CHD6: variants seen among roughly 807,000 people sequenced by gnomAD.
CHD6 encodes chromodomain helicase DNA binding protein 6, also known as ATP-dependent chromatin remodeler CHD6.
In CHD6, 50 loss-of-function variants were observed where a neutral mutation model predicts 276.9. The ratio of observed to expected loss-of-function variants is 0.18; its 90% CI spans 0.14 to 0.23. The LOEUF (loss-of-function observed/expected upper bound fraction) is 0.23. Among genes scored for constraint, CHD6 ranks in the 10% least tolerant of loss-of-function variants. CHD6 has a pLI of 1.00. For synonymous variants in CHD6, 1,173 were observed against 1,229.3 expected (o/e 0.95, Z 0.96); for missense variants, 2,564 against 3,365.8 (o/e 0.76, Z 5.89).
At position 41,524,446 on chromosome 20, in the gene CHD6, G is replaced by A. The variant is rs566340997; in HGVS notation, c.554+8604C>T. Among the ~76,000 whole-genome samples the A allele has an allele frequency of 2.6e-5, 4 of 152,002 alleles. No individual in the cohort carries two copies. In the East Asian group the frequency reaches 7.7e-4, roughly 29 times the overall value. ...GTTTGTGATATTGTCCTAGTAAAAA[G>A]GAAACAAAAAGATTACTTCCTCTTA... On this transcript the variant is annotated intron_variant, in intron 3 of 36. Transcript: ENST00000373233.
intron 3 of CHD6, among the ~76,000 whole-genome samples, chr20:41,532,768 T>C (rs2044719326): frequency 6.6e-6 from 1 of 152,206 alleles, no homozygotes; most frequent in Non-Finnish European, 1.5e-5. Flanking sequence ...GGTTGGGGTC[T>C]GAAGGGGGTG....
intron 3 of CHD6, among the ~76,000 whole-genome samples, chr20:41,528,698 C>T (rs1482009474): frequency 6.6e-6 from 1 of 152,122 alleles, no homozygotes; most frequent in East Asian, 1.9e-4. Context: ...AGAATAAATA[C>T]TAGTTTCAAT....
At chr20:41,469,479 A>G (rs2043005312) in intron 17 of CHD6, among the ~76,000 whole-genome samples, 1 of 152,222 alleles carries the variant, frequency 6.6e-6, no homozygotes, top group African/African-American at 2.4e-5. Flanking sequence ...CTTCAGGGGT[A>G]GCAGCAACAG....
intron 1 of CHD6, among the ~76,000 whole-genome samples, chr20:41,558,632 T>C (rs1011418989): frequency 3.3e-5 from 5 of 152,300 alleles, no homozygotes; most frequent in Non-Finnish European, 5.9e-5. Flanking sequence ...CTCCTCTCTC[T>C]CCAGTTCAAA....
chr20:41,579,877 ACAAT>A (rs1450462191), intron 1 of CHD6, among the ~76,000 whole-genome samples: 1 of 152,338 alleles, frequency 6.6e-6, no homozygotes, highest in African/African-American at 2.4e-5. Context: ...ATATTTTTAT[ACAAT>A]CAAAGAAATA....
chr20:41,579,202 C>T (rs1015923953), intron 1 of CHD6, among the ~76,000 whole-genome samples: 3 of 147,696 alleles, frequency 2.0e-5, no homozygotes, highest in South Asian at 2.2e-4. Context: ...TTTGGGACGC[C>T]GAGGTGGGCT....
intron 3 of CHD6, among the ~76,000 whole-genome samples, chr20:41,528,511 G>C (rs1455650386): frequency 6.6e-6 from 1 of 152,062 alleles, no homozygotes; most frequent in Non-Finnish European, 1.5e-5. Context: ...AGCCTAACTT[G>C]GCTTCCTGAA....
intron 1 of CHD6, among the ~76,000 whole-genome samples, chr20:41,609,464 C>T (rs2146302850): frequency 6.6e-6 from 1 of 152,298 alleles, no homozygotes; most frequent in South Asian, 2.1e-4. Context: ...GAGTATACAA[C>T]CACCCTTACA....
At chr20:41,498,811 A>ATGTATGTATGTG (rs1555796111) in intron 6 of CHD6, among the ~76,000 whole-genome samples, 7 of 86,552 alleles carry the variant, frequency 8.1e-5, no homozygotes, top group Non-Finnish European at 1.3e-4. Context: ...GTATGTATGT[A>ATGTATGTATGTG]TGTGTGTGTG....
chr20:41,583,989 T>C (rs1020601819), intron 1 of CHD6, among the ~76,000 whole-genome samples: 2 of 152,048 alleles, frequency 1.3e-5, no homozygotes, highest in African/African-American at 2.4e-5. Flanking sequence ...AGAAATCAAC[T>C]GGCAAGATAA....
intron 1 of CHD6, among the ~76,000 whole-genome samples, chr20:41,558,838 C>T (rs916086683): frequency 2.0e-5 from 3 of 152,084 alleles, no homozygotes; most frequent in African/African-American, 4.8e-5. Context: ...CAGAAAACAG[C>T]ACCCCCACCT....
At chr20:41,488,282 T>A in intron 13 of CHD6, 146 bp downstream of exon 13, 3 of 711,448 alleles carry the variant, frequency 4.2e-6, no homozygotes, top group Non-Finnish European at 6.9e-6. Flanking sequence ...TTAATTCCTA[T>A]ACTATTGCAG....
intron 36 of CHD6, among the ~76,000 whole-genome samples, chr20:41,408,656 C>G (rs2046753858): frequency 6.6e-6 from 1 of 152,188 alleles, no homozygotes; most frequent in Non-Finnish European, 1.5e-5. Flanking sequence ...CCTCTTCCTG[C>G]AGCCTACCCA....
Position 41,421,166 on chromosome 20 carries a change from A to T in CHD6, c.5469T>A (p.Phe1823Leu), listed in dbSNP as rs2047178250. ...AGACACTAAGACTGCACATATCTAC[A>T]AACCCACTTTCATTTCCTGGATTCA... ...PSLNPGNESG[F>L]VDMCSLSVCD... Residue 1823 changes from phenylalanine to leucine, a missense_variant, in exon 31 of 37, where the codon TTT (phenylalanine) becomes TTA (leucine). Physicochemically the swap from Phe to Leu is conservative, Grantham distance 22. Coordinates refer to ENST00000373233, the MANE Select transcript of CHD6 (RefSeq NM_032221.5). 3.7e-6 allele frequency: 6 copies of T among 1,613,424 alleles called. No individual in the cohort carries two copies. The highest frequency in any genetic ancestry group is 5.1e-6 in the Non-Finnish European group (6 of 1,179,814).
chr20:41,555,566 C>T (rs575674767), intron 1 of CHD6, among the ~76,000 whole-genome samples: 86 of 151,642 alleles, frequency 5.7e-4, no homozygotes, highest in African/African-American at 1.8e-3. Context: ...GGTCTCCTCA[C>T]TTCTCAGACG....
At chr20:41,502,267 T>C (rs1026412798) in intron 5 of CHD6, among the ~76,000 whole-genome samples, 6 of 152,220 alleles carry the variant, frequency 3.9e-5, no homozygotes, top group Middle Eastern at 6.3e-3. Context: ...CAGGTGCAAG[T>C]AATTTTAATA....
At chr20:41,464,850 G>A (rs756067472) in intron 17 of CHD6, among the ~76,000 whole-genome samples, 5 of 152,082 alleles carry the variant, frequency 3.3e-5, no homozygotes, top group Admixed American at 2.0e-4. Flanking sequence ...GACTTGAACC[G>A]TAAGGAAGCA....
intron 1 of CHD6, among the ~76,000 whole-genome samples, chr20:41,582,101 T>TA (rs1318155893): frequency 6.6e-6 from 1 of 151,950 alleles, no homozygotes; most frequent in Non-Finnish European, 1.5e-5. Context: ...TTCTAAGGAC[T>TA]AAAAATCATT....
chr20:41,613,141 CATT>C (rs1404067197), intron 1 of CHD6, among the ~76,000 whole-genome samples: 1 of 152,102 alleles, frequency 6.6e-6, no homozygotes, highest in African/African-American at 2.4e-5. Flanking sequence ...TTCAACTACA[CATT>C]ATTTTAAGGA....
Sources: allele counts gnomAD v4.1 joint callset (sites outside exome capture counted in the v4.1 genomes callset), GRCh38; gene constraint gnomAD v4.1.1; transcripts MANE v1.5; gene names NCBI Gene and HGNC (gene_info 2026-07-23, HGNC 2026-07-21).